INKA2: variants seen among roughly 807,000 people sequenced by gnomAD.
The protein encoded by INKA2 is PAK4-inhibitor INKA2.
A neutral mutation model predicts 9.8 loss-of-function variants in INKA2; 3 were observed. The ratio of observed to expected loss-of-function variants is 0.31; its 90% confidence interval spans 0.14 to 0.79. The LOEUF is 0.79. Ranked by LOEUF, INKA2 falls within the 30% of genes least tolerant of loss-of-function variation. INKA2 has a pLI of 0.62. For synonymous variants in INKA2, 147 were observed against 143.3 expected, an observed-to-expected ratio of 1.03 and a Z score of -0.18; for missense variants, 392 against 384.4, an observed-to-expected ratio of 1.02 and a Z score of -0.17.
Position 111,723,459 on chromosome 1 carries a change from T to G in INKA2, c.*3509A>C. The G allele has an allele frequency of 5.5e-5, 16 of 290,550 alleles. No homozygotes were observed. The highest frequency in any genetic ancestry group is 1.8e-4 in the East Asian group (3 of 16,690). 18.0% of individuals were successfully genotyped at this position (290,550 alleles called of 1,614,324 possible). ...CATGCCCAGCAGGGACTCTTTTCTG[T>G]TCCCTGGGCCACAAAGAAGCAGGTG... On this transcript the variant is annotated 3_prime_UTR_variant, in exon 2 of 2. Transcript: ENST00000357260.
chr1:111,729,056 G>A (rs1210756691), intron 1 of INKA2, among the ~76,000 whole-genome samples: 2 of 152,168 alleles, frequency 1.3e-5, no homozygotes, highest in African/African-American at 2.4e-5. Flanking sequence ...TGGGACCACA[G>A]GTGTGTGCTG....
chr1:111,736,770 C>T (rs1340542241), intron 1 of INKA2, among the ~76,000 whole-genome samples: 1 of 152,184 alleles, frequency 6.6e-6, no homozygotes, highest in Non-Finnish European at 1.5e-5. Flanking sequence ...CACCCCATTG[C>T]AGACCTAGGG....
intron 1 of INKA2, among the ~76,000 whole-genome samples, chr1:111,734,061 C>T (rs533771317): frequency 1.5e-4 from 23 of 152,346 alleles, no homozygotes; most frequent in Admixed American, 1.3e-3. Context: ...TTCTCCAGCT[C>T]AGTGAATAGG....
rs749426814 is a variant in INKA2, at chr1:111,723,133, G to A, written c.*3835C>T. 7 of 698,980 alleles carry A rather than the reference G, an allele frequency of 1.0e-5. No individual in the cohort carries two copies. The highest frequency in any genetic ancestry group is 8.9e-5 in the South Asian group (6 of 67,176). The allele number at this position is 698,980 out of a possible 1,614,324, so 43.3% of individuals were successfully genotyped here. ...GCACCGGATGGGGAAGGCACCTGAG[G>A]TGGGTTCTGGCTGCTCTGGAGAAGG... On this transcript the variant is annotated 3_prime_UTR_variant, in exon 2 of 2. Coordinates refer to ENST00000357260, the MANE Select transcript of INKA2 (RefSeq NM_019099.5).
chr1:111,728,038 TAC>T (rs60867844), intron 1 of INKA2, among the ~76,000 whole-genome samples: 4,217 of 108,702 alleles, frequency 0.039, 177 homozygotes, highest in Admixed American at 0.15. Context: ...CCCCACCCCA[TAC>T]ACACACACAC....
At chr1:111,755,756 T>C (rs28372703) in exon 1 of INKA2, 226,041 of 1,613,436 alleles carry the variant, frequency 0.14, 16,832 homozygotes, top group Admixed American at 0.25. Flanking sequence ...GCCACATTTT[T>C]TGTGTGTCTG....
At chr1:111,745,984 G>A (rs1663266599) in intron 1 of INKA2, 1 of 152,222 alleles carries the variant, frequency 6.6e-6, no homozygotes, top group African/African-American at 2.4e-5. Context: ...AGAAAAAGAG[G>A]TCACATCTCA....
chr1:111,738,761 C>A (rs1010782096), intron 1 of INKA2, among the ~76,000 whole-genome samples: 1 of 152,166 alleles, frequency 6.6e-6, no homozygotes, highest in Non-Finnish European at 1.5e-5. Context: ...CTCCTCCCCG[C>A]GCTCCAGGTC....
At chr1:111,733,159 A>G (rs903794978) in intron 1 of INKA2, among the ~76,000 whole-genome samples, 8 of 152,196 alleles carry the variant, frequency 5.3e-5, no homozygotes, top group Non-Finnish European at 8.8e-5. Flanking sequence ...CACCATATCT[A>G]CATAGGACCT....
chr1:111,749,086 G>A (rs1457994742), intron 1 of INKA2, among the ~76,000 whole-genome samples: 2 of 152,216 alleles, frequency 1.3e-5, no homozygotes, highest in Non-Finnish European at 2.9e-5. Context: ...GGCTGCCTGA[G>A]GACAGAGCTG....
At chr1:111,743,743 G>A (rs894444652), upstream of INKA2, among the ~76,000 whole-genome samples, 1 of 152,130 alleles carries the variant, frequency 6.6e-6, no homozygotes, top group Admixed American at 6.5e-5. Context: ...AGAGATATGT[G>A]GTCACATACC....
chr1:111,742,483 G>T (rs1571598925), upstream of INKA2, among the ~76,000 whole-genome samples: 1 of 152,224 alleles, frequency 6.6e-6, no homozygotes, highest in Non-Finnish European at 1.5e-5. Context: ...CACTCAGGAG[G>T]CTGAGGCAGT....
chr1:111,742,691 T>G (rs1421828607), upstream of INKA2, among the ~76,000 whole-genome samples: 1 of 152,276 alleles, frequency 6.6e-6, no homozygotes, highest in Non-Finnish European at 1.5e-5. Flanking sequence ...CCAGCTCACA[T>G]TCCATCCATT....
intron 1 of INKA2, chr1:111,755,058 A>G (rs1183040301): frequency 7.1e-6 from 1 of 140,394 alleles, no homozygotes; most frequent in Non-Finnish European, 1.6e-5. Flanking sequence ...TACGCATGAA[A>G]TGATGGGGGA....
At position 111,726,675 on chromosome 1, in the gene INKA2, A is replaced by G. The variant is rs976042329; in HGVS notation, c.*293T>C. ...CTCACCTACTGTCACCTCCAGCCCCAAAGTGAGTGCATGCATGCCAGACAG... is the reference window on the plus strand; with the variant it reads ...CTCACCTACTGTCACCTCCAGCCCCGAAGTGAGTGCATGCATGCCAGACAG... On this transcript the variant is annotated 3_prime_UTR_variant, in exon 2 of 2. Coordinates refer to ENST00000357260, the MANE Select transcript of INKA2 (RefSeq NM_019099.5). The G allele has an allele frequency of 2.0e-5, 8 of 402,664 alleles. No homozygotes were observed. Among genetic ancestry groups the G allele is most frequent in the Non-Finnish European group, 9.0e-6 (2 of 222,980 alleles). The allele number at this position is 402,664 out of a possible 1,614,324, so 24.9% of individuals were successfully genotyped here. A position where few individuals can be genotyped will look rare whatever the true frequency, so the allele number is the denominator to read the frequency against.
rs529338359 is a variant in INKA2 at position 111,727,422 on chromosome 1, G to T, written c.440C>A (p.Ser147Tyr). 7 of 1,614,176 alleles carry T rather than the reference G, an allele frequency of 4.3e-6. No individual in the cohort carries two copies. The highest frequency in any genetic ancestry group is 5.1e-6 in the Non-Finnish European group (6 of 1,180,030). Residue 147 changes from serine to tyrosine, a missense_variant, in exon 2 of 2, where the codon TCC (serine) becomes TAC (tyrosine). Coordinates refer to ENST00000357260, the MANE Select transcript of INKA2 (RefSeq NM_019099.5). Reference protein sequence around the residue: ...EPDDWTSTLMSRGRNRQPLVL... With the variant: ...EPDDWTSTLMYRGRNRQPLVL... ...CAGAGGCTGTCGATTCCGGCCCCGG[G>T]ACATCAACGTGGAGGTCCAGTCATC... is the stretch of plus-strand genomic sequence containing the variant.
chr1:111,738,330 T>G (rs535012549), intron 1 of INKA2, among the ~76,000 whole-genome samples: 1 of 152,014 alleles, frequency 6.6e-6, no homozygotes, highest in South Asian at 2.1e-4. Context: ...ATGAAGCCAG[T>G]GAGAATCAAC....
chr1:111,751,724 G>A (rs972373393), intron 1 of INKA2, among the ~76,000 whole-genome samples: 39 of 152,238 alleles, frequency 2.6e-4, no homozygotes, highest in African/African-American at 7.9e-4. Flanking sequence ...TGCTATGGTG[G>A]TCCTCACCTC....
upstream of INKA2, among the ~76,000 whole-genome samples, chr1:111,743,813 C>T (rs1663201438): frequency 6.6e-6 from 1 of 152,260 alleles, no homozygotes; most frequent in Admixed American, 6.5e-5. Flanking sequence ...TCCCCAGTGC[C>T]CTCATTCCTT....
Sources: gnomAD v4.1 joint callset for allele counts (sites outside exome capture counted in the v4.1 genomes callset) on GRCh38, gnomAD v4.1.1 for gene constraint, MANE v1.5 for transcripts, NCBI Gene and HGNC (gene_info 2026-07-23, HGNC 2026-07-21) for gene names.